Variants in IPCEF1 observed in about 807,000 individuals in gnomAD.
The protein encoded by IPCEF1 is interaction protein for cytohesin exchange factors 1, also known as interactor protein for cytohesin exchange factors 1.
Under a neutral mutation model 50.9 loss-of-function variants are expected in IPCEF1, and 31 were observed. The ratio of observed to expected loss-of-function variants is 0.61; its 90% CI spans 0.46 to 0.82. The LOEUF is 0.82. Among genes scored for constraint, IPCEF1 ranks in the 40% least tolerant of loss-of-function variants. The pLI is 0.00. For synonymous variants in IPCEF1, 181 were observed against 192.0 expected (o/e 0.94, Z 0.47); for missense variants, 458 against 514.0 (o/e 0.89, Z 1.05).
chr6:154,288,667 CAAAAAAAACAAAAAAAAAAAAAAAAAA>C (rs1782431010), intron 2 of IPCEF1, among the ~76,000 whole-genome samples: 1 of 112,650 alleles, frequency 8.9e-6, no homozygotes, highest in African/African-American at 3.2e-5. Context: ...GTCTAAAAAA[CAAAAAAAACAAAAAAAAAAAAAAAAAA>C]AAAAAAAAAA....
intron 1 of IPCEF1, among the ~76,000 whole-genome samples, chr6:154,332,389 C>A (rs767281345): frequency 5.3e-5 from 8 of 151,482 alleles, no homozygotes; most frequent in Non-Finnish European, 1.0e-4. Context: ...AACCACTGTA[C>A]CCGGCCCATG....
intron 10 of IPCEF1, among the ~76,000 whole-genome samples, chr6:154,194,171 G>A (rs1285044835): frequency 3.9e-5 from 6 of 152,198 alleles, no homozygotes; most frequent in South Asian, 2.1e-4. Flanking sequence ...AGGCCGAGGC[G>A]GGTGGATCAC....
At chr6:154,302,983 A>C (rs947500174) in intron 1 of IPCEF1, among the ~76,000 whole-genome samples, 2 of 151,994 alleles carry the variant, frequency 1.3e-5, no homozygotes, top group African/African-American at 4.8e-5. Context: ...CACCATCACT[A>C]CTTATCATCT....
chr6:154,209,542 G>C (rs1198365122), intron 9 of IPCEF1, among the ~76,000 whole-genome samples: 1 of 151,908 alleles, frequency 6.6e-6, no homozygotes, highest in African/African-American at 2.4e-5. Flanking sequence ...AGCTACTCGG[G>C]GGGCCGAGGT....
intron 3 of IPCEF1, among the ~76,000 whole-genome samples, chr6:154,252,341 G>A (rs1221056467): frequency 1.3e-5 from 2 of 152,110 alleles, no homozygotes; most frequent in Admixed American, 1.3e-4. Flanking sequence ...GAGAAAGGTA[G>A]GTCCAAACCT....
intron 1 of IPCEF1, among the ~76,000 whole-genome samples, chr6:154,341,934 G>A (rs751492798): frequency 6.6e-6 from 1 of 152,204 alleles, no homozygotes; most frequent in African/African-American, 2.4e-5. Context: ...GATTGATAAC[G>A]TAAAGGAAAA....
chr6:154,265,100 C>A (rs1781720883), intron 3 of IPCEF1, among the ~76,000 whole-genome samples: 2 of 152,178 alleles, frequency 1.3e-5, no homozygotes, highest in African/African-American at 4.8e-5. Flanking sequence ...TCCCACGACA[C>A]TCCCCACAGT....
rs562254009 is a variant in IPCEF1, at chr6:154,216,477, T to C, written c.393-2201A>G. On this transcript the variant is annotated intron_variant, in intron 7 of 11. Coordinates refer to ENST00000367220, the MANE Select transcript of IPCEF1 (RefSeq NM_001130700.2). ...ATTGAGAAGATCAAGCATAGAATAG[T>C]ATGTTTAGCCTGATCCACTGTACTT... Among the ~76,000 whole-genome samples, 4 of 152,320 alleles carry C rather than the reference T, an allele frequency of 2.6e-5. No individual in the cohort carries two copies. In the South Asian group the frequency reaches 8.3e-4, roughly 32 times the overall value.
At chr6:154,271,507 A>G (rs971854374) in intron 2 of IPCEF1, among the ~76,000 whole-genome samples, 1 of 152,208 alleles carries the variant, frequency 6.6e-6, no homozygotes, top group East Asian at 1.9e-4. Context: ...TCTTTATGAT[A>G]TCTATATTAT....
At chr6:154,331,569 C>G (rs1386566001) in intron 1 of IPCEF1, among the ~76,000 whole-genome samples, 1 of 151,928 alleles carries the variant, frequency 6.6e-6, no homozygotes, top group Non-Finnish European at 1.5e-5. Flanking sequence ...GCAGTCAGTA[C>G]CAAGGAAAGG....
chr6:154,290,635 C>T (rs150631081), intron 1 of IPCEF1, among the ~76,000 whole-genome samples: 60 of 152,304 alleles, frequency 3.9e-4, no homozygotes, highest in Non-Finnish European at 5.9e-4. Flanking sequence ...TAACTTCCCA[C>T]TGTCTCTCTC....
At chr6:154,296,833 A>C (rs1166860435) in intron 1 of IPCEF1, among the ~76,000 whole-genome samples, 2 of 150,166 alleles carry the variant, frequency 1.3e-5, no homozygotes, top group Non-Finnish European at 3.0e-5. Context: ...CGTCTCAAAA[A>C]AAAAAAAAAA....
chr6:154,177,498 C>T (rs574532850), intron 10 of IPCEF1, among the ~76,000 whole-genome samples: 1 of 152,298 alleles, frequency 6.6e-6, no homozygotes, highest in African/African-American at 2.4e-5. Flanking sequence ...AGACACTTCT[C>T]AAAGGAAGAC....
intron 3 of IPCEF1, among the ~76,000 whole-genome samples, chr6:154,255,611 C>T (rs1781441535): frequency 6.6e-6 from 1 of 152,148 alleles, no homozygotes; most frequent in African/African-American, 2.4e-5. Context: ...TCAAATCATG[C>T]TTTTCTGCCA....
At chr6:154,233,752 C>T (rs1372362162) in intron 5 of IPCEF1, among the ~76,000 whole-genome samples, 4 of 152,170 alleles carry the variant, frequency 2.6e-5, no homozygotes, top group Non-Finnish European at 5.9e-5. Flanking sequence ...CCTTACCACC[C>T]AGGGCACACT....
chr6:154,230,180 A>G (rs1326369281), intron 5 of IPCEF1, among the ~76,000 whole-genome samples: 1 of 152,206 alleles, frequency 6.6e-6, no homozygotes, highest in Non-Finnish European at 1.5e-5. Context: ...AATGAACTGC[A>G]AATTTGAATA....
At chr6:154,214,171 G>T (rs1488460592) in intron 8 of IPCEF1, 47 bp downstream of exon 8, 1 of 1,210,722 alleles carries the variant, frequency 8.3e-7, no homozygotes, top group Non-Finnish European at 1.2e-6. Flanking sequence ...GTTTCAACCT[G>T]TTCTAATATT....
At chr6:154,344,511 AG>A in intron 1 of IPCEF1, among the ~76,000 whole-genome samples, 1 of 152,342 alleles carries the variant, frequency 6.6e-6, no homozygotes, top group East Asian at 1.9e-4. Flanking sequence ...TCACAAATGG[AG>A]AAACTAAGAC....
chr6:154,209,672 A>AT (rs1161779702), intron 9 of IPCEF1, among the ~76,000 whole-genome samples: 5 of 150,862 alleles, frequency 3.3e-5, no homozygotes, highest in Non-Finnish European at 5.9e-5. Flanking sequence ...GTTACTATAT[A>AT]TTTTTTTTAT....
Sources: allele counts gnomAD v4.1 joint callset (sites outside exome capture counted in the v4.1 genomes callset), GRCh38; gene constraint gnomAD v4.1.1; transcripts MANE v1.5; gene names NCBI Gene and HGNC (gene_info 2026-07-23, HGNC 2026-07-21).